CCDC174: variants seen among roughly 807,000 people sequenced by gnomAD.
The protein encoded by CCDC174 is coiled-coil domain-containing protein 174.
Under a neutral mutation model 57.1 loss-of-function variants are expected in CCDC174, and 37 were observed. The ratio of observed to expected loss-of-function variants is 0.65; its 90% CI spans 0.50 to 0.85. The LOEUF is 0.85. CCDC174 is among the 40% of genes least tolerant of loss of function. CCDC174 has a pLI of 0.00. For missense variants in CCDC174, 540 were observed against 574.3 expected (o/e 0.94, Z 0.61); for synonymous variants, 182 against 190.2 (o/e 0.96, Z 0.35).
intron 3 of CCDC174, among the ~76,000 whole-genome samples, chr3:14,656,218 C>A (rs1433232263): frequency 2.0e-5 from 3 of 152,116 alleles, no homozygotes; most frequent in Non-Finnish European, 4.4e-5. Context: ...TTAGTATTAT[C>A]TATTTTGTGG....
intron 10 of CCDC174, 31 bp downstream of exon 10, chr3:14,670,117 C>T (rs1440426647): frequency 7.0e-6 from 11 of 1,578,030 alleles, no homozygotes; most frequent in Non-Finnish European, 8.5e-6. Flanking sequence ...GGTGTAAGAA[C>T]TCTCCAGTGA....
At chr3:14,659,052 C>A in intron 4 of CCDC174, 123 bp downstream of exon 4, 1 of 912,914 alleles carries the variant, frequency 1.1e-6, no homozygotes, top group Non-Finnish European at 1.6e-6. Context: ...TTTTACTTTC[C>A]ATGGCTGCAC....
intron 7 of CCDC174, 175 bp downstream of exon 7, chr3:14,667,122 G>T: frequency 1.5e-6 from 1 of 649,344 alleles, no homozygotes; most frequent in Non-Finnish European, 2.6e-6. Flanking sequence ...TCACATTTGG[G>T]AATATCTTCC....
At position 14,671,078 on chromosome 3, in the gene CCDC174, G is replaced by A. The variant is rs773126505; in HGVS notation, c.1288G>A (p.Gly430Arg). The A allele has an allele frequency of 7.4e-6, 12 of 1,613,976 alleles. No homozygotes were observed. The highest frequency in any genetic ancestry group is 2.7e-5 in the African/African-American group (2 of 74,884). The change falls in exon 11 of 11, where the codon GGA (glycine) becomes AGA (arginine). Residue 430 changes from glycine to arginine, a missense_variant. Transcript: ENST00000383794. ...DPGQCPDQSH[G>R]PSPEHTSPTP... Reference sequence around the variant, plus strand: ...AGGGCAGTGCCCTGACCAGAGCCACGGACCTAGCCCTGAACATACGTCACC... The same window carrying A: ...AGGGCAGTGCCCTGACCAGAGCCACAGACCTAGCCCTGAACATACGTCACC...
chr3:14,660,568 G>A (rs2053018), intron 4 of CCDC174, among the ~76,000 whole-genome samples: 125,945 of 152,244 alleles, frequency 0.83, 52,888 homozygotes, highest in Non-Finnish European at 0.91. Context: ...CTTTACTTAT[G>A]TTGTTAATAT....
chr3:14,667,167 C>T, intron 7 of CCDC174: 2 of 617,062 alleles, frequency 3.2e-6, no homozygotes, highest in Non-Finnish European at 5.6e-6. Context: ...GGATTGTTCC[C>T]TGAGAGAAGT....
At chr3:14,664,964 C>T in intron 5 of CCDC174, 64 bp from the exon 6 acceptor site, 1 of 1,205,956 alleles carries the variant, frequency 8.3e-7, no homozygotes, top group Non-Finnish European at 1.2e-6. Flanking sequence ...TTCACCTACT[C>T]CCTGACTTAG....
intron 3 of CCDC174, 36 bp from the exon 4 acceptor site, chr3:14,658,835 A>G (rs1272911713): frequency 6.5e-7 from 1 of 1,534,892 alleles, no homozygotes; most frequent in East Asian, 2.4e-5. Flanking sequence ...AACAGTTATA[A>G]GACCATTTCT....
intron 3 of CCDC174, 60 bp from the exon 4 acceptor site, chr3:14,658,811 G>A: frequency 6.7e-7 from 1 of 1,502,050 alleles, no homozygotes; most frequent in Non-Finnish European, 9.0e-7. Context: ...GGGAGTGTGG[G>A]GGCAACCAGG....
rs927402110 is a variant in CCDC174, at chr3:14,654,421, T to G, written c.43-5T>G. 4.0e-6 allele frequency: 6 copies of G among 1,504,250 alleles called. No individual in the cohort carries two copies. Among genetic ancestry groups the G allele is most frequent in the Non-Finnish European group, 4.6e-6 (5 of 1,091,976 alleles). The allele number at this position is 1,504,250 out of a possible 1,614,324, so 93.2% of individuals were successfully genotyped here. ...ATTTTTGTTTACTTACTGCTTTCAT[T>G]CTAGTTGGTAGATCTTAAGGCTGAA... On this transcript the variant is annotated splice_region_variant and splice_polypyrimidine_tract_variant and intron_variant, in intron 1 of 10. Transcript: ENST00000383794.
chr3:14,668,980 A>AG (rs1350254299), intron 9 of CCDC174, among the ~76,000 whole-genome samples: 1 of 152,218 alleles, frequency 6.6e-6, no homozygotes, highest in Non-Finnish European at 1.5e-5. Flanking sequence ...GCCTAGGGGT[A>AG]GGCAGGGAGA....
intron 3 of CCDC174, among the ~76,000 whole-genome samples, chr3:14,657,375 G>A (rs2030992648): frequency 6.6e-6 from 1 of 152,212 alleles, no homozygotes; most frequent in Admixed American, 6.5e-5. Flanking sequence ...AGGTTATGAA[G>A]TCCTTCAGGG....
chr3:14,668,916 T>G (rs1239398031), intron 9 of CCDC174, among the ~76,000 whole-genome samples: 1 of 152,142 alleles, frequency 6.6e-6, no homozygotes, highest in Non-Finnish European at 1.5e-5. Context: ...CCTAGAGTAT[T>G]TTTCTCTTCT....
At chr3:14,656,249 G>A (rs767122341) in intron 3 of CCDC174, among the ~76,000 whole-genome samples, 1 of 151,968 alleles carries the variant, frequency 6.6e-6, no homozygotes, top group Non-Finnish European at 1.5e-5. Flanking sequence ...GATTTCACCA[G>A]TTATCCCAGT....
rs753281579 is a variant in CCDC174 at position 14,666,067 on chromosome 3, AAGGG to A, written c.582-735_582-732del. On this transcript the variant is annotated intron_variant, in intron 6 of 10. Transcript: ENST00000383794. ...AAAAAAAAAAAAAAAAAAAGAAAGA[AAGGG>A]AGAATGGAAACCTTTGAGCCTCTCA... 8.2e-3 allele frequency among the ~76,000 whole-genome samples: 1,207 copies of A among 147,610 alleles called. 7 individuals carry two copies. The highest frequency in any genetic ancestry group is 0.032 in the South Asian group (147 of 4,616).
At chr3:14,668,361 A>G (rs937046095) in intron 9 of CCDC174, among the ~76,000 whole-genome samples, 180 bp downstream of exon 9, 5 of 152,212 alleles carry the variant, frequency 3.3e-5, no homozygotes, top group Non-Finnish European at 7.3e-5. Flanking sequence ...ATGACATTCA[A>G]TATTTTTAGG....
At position 14,670,163 on chromosome 3, in the gene CCDC174, T is replaced by C. The variant is rs1164013536; in HGVS notation, c.1105+77T>C. The C allele has an allele frequency of 2.1e-6, 3 of 1,460,778 alleles. No individual in the cohort carries two copies. The African/African-American group carries it at 4.3e-5, about 21-fold the overall frequency. 90.5% of individuals were successfully genotyped at this position (1,460,778 alleles called of 1,614,324 possible). A position where few individuals can be genotyped will look rare whatever the true frequency, so the allele number is the denominator to read the frequency against. ...GTTTTTTTTCTAGAAGCACTTGGGG[T>C]AAGTTTTAACTTCGTGCTGCCTTGT... On this transcript the variant is annotated intron_variant, in intron 10 of 10. Coordinates refer to ENST00000383794, the MANE Select transcript of CCDC174 (RefSeq NM_016474.5).
At chr3:14,657,705 T>C (rs549227519) in intron 3 of CCDC174, among the ~76,000 whole-genome samples, 1 of 152,360 alleles carries the variant, frequency 6.6e-6, no homozygotes, top group East Asian at 1.9e-4. Context: ...CCCTCTGCTC[T>C]ACTGGTCTCT....
chr3:14,657,206 T>C (rs992133696), intron 3 of CCDC174, among the ~76,000 whole-genome samples: 1 of 152,256 alleles, frequency 6.6e-6, no homozygotes, highest in Non-Finnish European at 1.5e-5. Context: ...TTGGTTTTGC[T>C]GTGTTGTGGG....
Sources: allele counts gnomAD v4.1 joint callset (sites outside exome capture counted in the v4.1 genomes callset), GRCh38; gene constraint gnomAD v4.1.1; transcripts MANE v1.5; gene names NCBI Gene and HGNC (gene_info 2026-07-23, HGNC 2026-07-21).